Variants in EBF3 observed in about 807,000 individuals in gnomAD.
EBF3 encodes the protein EBF transcription factor 3.
EBF3 carries 18 observed loss-of-function variants against 77.1 expected under a neutral mutation model. The observed-to-expected ratio is 0.23, with a 90% CI of 0.16 to 0.35. The LOEUF (loss-of-function observed/expected upper bound fraction) is 0.35, where lower values mean the gene tolerates loss of function less well. Ranked by LOEUF, EBF3 falls within the 10% of genes least tolerant of loss-of-function variation. The pLI is 1.00. For synonymous variants in EBF3, 350 were observed against 343.5 expected (o/e 1.02, Z -0.21); for missense variants, 558 against 860.0 (o/e 0.65, Z 4.39).
chr10:129,957,059 T>C (rs188502337), intron 6 of EBF3, among the ~76,000 whole-genome samples, 199 bp downstream of exon 6: 1 of 152,316 alleles, frequency 6.6e-6, no homozygotes, highest in African/African-American at 2.4e-5. Flanking sequence ...AAGCAATTAC[T>C]GAATCCCCAC....
At chr10:129,881,608 C>T (rs867556835) in intron 6 of EBF3, among the ~76,000 whole-genome samples, 3 of 152,140 alleles carry the variant, frequency 2.0e-5, no homozygotes, top group African/African-American at 4.8e-5. Context: ...TCCTCTTTCG[C>T]GGTGCACAGG....
intron 10 of EBF3, among the ~76,000 whole-genome samples, chr10:129,857,800 A>G (rs1256236450): frequency 1.3e-5 from 2 of 152,132 alleles, no homozygotes; most frequent in African/African-American, 2.4e-5. Context: ...ATGAGCGCCT[A>G]TGAGAACCAG....
chr10:129,886,739 C>T (rs1211661205), intron 6 of EBF3, among the ~76,000 whole-genome samples: 4 of 152,044 alleles, frequency 2.6e-5, no homozygotes, highest in South Asian at 2.1e-4. Context: ...GGTTTCTTTC[C>T]CTTCTTGTTT....
At chr10:129,962,917 C>A (rs955344585) in intron 3 of EBF3, 25 bp downstream of exon 3, 2 of 1,613,080 alleles carry the variant, frequency 1.2e-6, no homozygotes, top group Non-Finnish European at 1.7e-6. Flanking sequence ...GCTGCAGGGG[C>A]GGCGAGCACG....
intron 6 of EBF3, among the ~76,000 whole-genome samples, chr10:129,922,343 C>T (rs1016153672): frequency 6.6e-6 from 1 of 152,212 alleles, no homozygotes. Flanking sequence ...AGGTCAGCAG[C>T]AGGGCCAGGG....
chr10:129,958,852 G>C, intron 5 of EBF3, 82 bp downstream of exon 5: 1 of 1,466,956 alleles, frequency 6.8e-7, no homozygotes, highest in Non-Finnish European at 9.0e-7. Flanking sequence ...GCGGGGTGGC[G>C]GCGCCTGGAC....
At chr10:129,884,995 C>G (rs1853472157) in intron 6 of EBF3, among the ~76,000 whole-genome samples, 1 of 152,188 alleles carries the variant, frequency 6.6e-6, no homozygotes, top group Admixed American at 6.5e-5. Flanking sequence ...TGACAAATAC[C>G]TCACTATCGA....
chr10:129,849,583 C>G (rs569587879), intron 10 of EBF3, among the ~76,000 whole-genome samples: 3 of 152,200 alleles, frequency 2.0e-5, no homozygotes, highest in Non-Finnish European at 4.4e-5. Flanking sequence ...AATTGGTCAC[C>G]GTTCTCGAGT....
chr10:129,889,821 T>C (rs1479177020), intron 6 of EBF3, among the ~76,000 whole-genome samples: 2 of 105,862 alleles, frequency 1.9e-5, no homozygotes, highest in South Asian at 6.7e-4. Flanking sequence ...AAAAAAAAAA[T>C]GCAAACCGTA....
At chr10:129,920,398 A>G (rs1382653847) in intron 6 of EBF3, among the ~76,000 whole-genome samples, 123 of 146,506 alleles carry the variant, frequency 8.4e-4, no homozygotes, top group Admixed American at 1.3e-3. Flanking sequence ...CCACAAACCC[A>G]CCCCGCTGTG....
At chr10:129,883,493 T>A (rs1853352505) in intron 6 of EBF3, among the ~76,000 whole-genome samples, 1 of 152,192 alleles carries the variant, frequency 6.6e-6, no homozygotes, top group Non-Finnish European at 1.5e-5. Flanking sequence ...CAGAGAGCTC[T>A]TAATAAGCAG....
chr10:129,917,681 T>TAAAAAAAAAAAAAAAAAAAAA (rs1239226466), intron 6 of EBF3, among the ~76,000 whole-genome samples: 147 of 60,392 alleles, frequency 2.4e-3, no homozygotes, highest in Non-Finnish European at 3.0e-3. Context: ...AAAAAAAAAC[T>TAAAAAAAAAAAAAAAAAAAAA]AAAACCAAGC....
intron 7 of EBF3, 82 bp downstream of exon 7, chr10:129,877,686 C>T (rs1287570502): frequency 2.6e-5 from 32 of 1,226,296 alleles, no homozygotes; most frequent in Non-Finnish European, 3.7e-5. Context: ...AAGATTACTT[C>T]CTGAACAGTT....
chr10:129,957,504 T>C (rs1859134749), intron 5 of EBF3, among the ~76,000 whole-genome samples, 178 bp from the exon 6 acceptor site: 1 of 152,074 alleles, frequency 6.6e-6, no homozygotes, highest in Admixed American at 6.5e-5. Context: ...ACGATGTAAC[T>C]TTCTACCGGA....
Position 129,962,244 on chromosome 10 carries a change from C to CA in EBF3, c.356-19dup, listed in dbSNP as rs764109351. On this transcript the variant is annotated intron_variant, in intron 3 of 16. Transcript: ENST00000440978. ...TCTGACTCCTGCAAAAAAACAGAGA[C>CA]AAATTCTCATCAGGATTTGAGTGCT... is the stretch of plus-strand genomic sequence containing the variant. The CA allele has an allele frequency of 1.9e-6, 3 of 1,613,774 alleles. No individual in the cohort carries two copies. In the Admixed American group the frequency reaches 5.0e-5, roughly 27 times the overall value.
chr10:129,870,727 ATG>A lies in EBF3; in HGVS notation c.781+2723_781+2724del, dbSNP rs1383667694. Among the ~76,000 whole-genome samples the A allele has an allele frequency of 6.6e-6, 1 of 152,184 alleles. No individual in the cohort carries two copies. The highest frequency in any genetic ancestry group is 1.5e-5 in the Non-Finnish European group (1 of 68,034). ...AGGGAGCCCAATGGCTGGGATGAGC[ATG>A]TCAAAACGGGAGCGTGACTCAACTT... On this transcript the variant is annotated intron_variant, in intron 8 of 16. Coordinates refer to ENST00000440978, the MANE Select transcript of EBF3 (RefSeq NM_001375380.1). The surrounding 1 kb of genome is among the most constrained non-coding windows in gnomAD (Gnocchi z 4.4).
chr10:129,850,325 A>G (rs1850777751), intron 10 of EBF3, among the ~76,000 whole-genome samples: 1 of 152,236 alleles, frequency 6.6e-6, no homozygotes, highest in African/African-American at 2.4e-5. Flanking sequence ...ACTTGTAATA[A>G]CCATACACTC....
At chr10:129,896,130 C>T (rs1235168929) in intron 6 of EBF3, among the ~76,000 whole-genome samples, 3 of 130,444 alleles carry the variant, frequency 2.3e-5, no homozygotes, top group Non-Finnish European at 4.6e-5. Context: ...CAAGAAGCTA[C>T]AAAGATTATT....
intron 6 of EBF3, among the ~76,000 whole-genome samples, chr10:129,950,828 CGGAG>C (rs1297877119): frequency 6.6e-6 from 1 of 152,134 alleles, no homozygotes; most frequent in Admixed American, 6.5e-5. Context: ...GGCAAGCTGA[CGGAG>C]GGAATGGTTT....
Sources: allele counts gnomAD v4.1 joint callset (sites outside exome capture counted in the v4.1 genomes callset), GRCh38; gene constraint gnomAD v4.1.1; non-coding constraint Gnocchi (gnomAD v3.1); transcripts MANE v1.5; gene names NCBI Gene and HGNC (gene_info 2026-07-23, HGNC 2026-07-21).